The following DCHS1 variants were observed in gnomAD, a reference collection of about 807,000 sequenced individuals.
DCHS1 encodes the protein dachsous cadherin-related 1.
In DCHS1, 78 loss-of-function variants were observed where a neutral mutation model predicts 213.9. The ratio of observed to expected loss-of-function variants is 0.36; its 90% CI spans 0.30 to 0.44. DCHS1 has a LOEUF of 0.44. DCHS1 is among the 20% of genes least tolerant of loss of function. The pLI, the probability that DCHS1 is intolerant of heterozygous loss-of-function variation, is 1.00. For synonymous variants in DCHS1, 1,828 were observed against 1,873.7 expected, an observed-to-expected ratio of 0.98 and a Z score of 0.63; for missense variants, 3,946 against 4,395.9, an observed-to-expected ratio of 0.90 and a Z score of 2.89.
At chr11:6,644,626 A>G (rs527796526) in intron 1 of DCHS1, among the ~76,000 whole-genome samples, 1 of 152,358 alleles carries the variant, frequency 6.6e-6, no homozygotes, top group East Asian at 1.9e-4. Context: ...GAGGGCAGTG[A>G]CAGGTCTTGG....
Position 6,631,617 on chromosome 11 carries a change from T to C in DCHS1, c.3674A>G (p.Gln1225Arg). The C allele has an allele frequency of 6.4e-7, 1 of 1,571,866 alleles. No individual in the cohort carries two copies. The highest frequency in any genetic ancestry group is 8.6e-7 in the Non-Finnish European group (1 of 1,159,644). The change falls in exon 7 of 21, where the codon CAG becomes CGG. Residue 1225 changes from glutamine to arginine, a missense_variant and splice_region_variant. By Grantham distance (43) the Gln-to-Arg change is conservative (BLOSUM62 1). Around this residue, in one of 3 missense-constraint regions of DCHS1, gnomAD observed 3,384 missense variants for 3,780.1 expected, o/e 0.90. Coordinates refer to ENST00000299441, the MANE Select transcript of DCHS1 (RefSeq NM_003737.4). ...ACAAAGTCCTGCCACTTCACATACC[T>C]GTATAGGGAGGCCCCCACCAGCAGC... ...SGAAGGGLPI[Q>R]VPDRVPPGTL...
rs369283389 is a variant in DCHS1 at position 6,626,698 on chromosome 11, C to G, written c.6251-33G>C. On this transcript the variant is annotated intron_variant, in intron 14 of 20. Coordinates refer to ENST00000299441, the MANE Select transcript of DCHS1 (RefSeq NM_003737.4). This position sits in a 1 kb window ranked among gnomAD's most constrained non-coding sequence, Gnocchi z 5.2. ...AAGAACGGTATTGTTGGACTGTGAG[C>G]GCGAGACTGGGAGAGTTTGGGGGAC... is the stretch of plus-strand genomic sequence containing the variant. 6.2e-7 allele frequency: 1 copy of G among 1,612,430 alleles called. No homozygotes were observed. Among genetic ancestry groups the G allele is most frequent in the Non-Finnish European group, 8.5e-7 (1 of 1,179,134 alleles).
intron 1 of DCHS1, among the ~76,000 whole-genome samples, chr11:6,642,474 C>T (rs1399630112): frequency 6.6e-6 from 1 of 152,136 alleles, no homozygotes; most frequent in Admixed American, 6.5e-5. Context: ...TAGGAAGTGA[C>T]ATTAAAGTTG....
chr11:6,624,891 T>G, intron 19 of DCHS1, 23 bp from the exon 20 acceptor site: 1 of 1,612,868 alleles, frequency 6.2e-7, no homozygotes, highest in Non-Finnish European at 8.5e-7. Flanking sequence ...GAAAAGTGCT[T>G]ATTGCCAGGC....
Position 6,639,845 on chromosome 11 carries a change from C to A in DCHS1, c.1769G>T (p.Gly590Val). 6.2e-7 allele frequency: 1 copy of A among 1,605,880 alleles called. No individual in the cohort carries two copies. The highest frequency in any genetic ancestry group is 1.1e-5 in the South Asian group (1 of 90,144). Residue 590 changes from glycine (G) to valine (V), a missense_variant, in exon 2 of 21, where the codon GGC becomes GTC. By Grantham distance (109) the Gly-to-Val change is moderately radical (BLOSUM62 -3). Transcript: ENST00000299441. ...RTFYNASLPE[G>V]TQPGTCFLQV... Reference sequence around the variant, plus strand: ...CAGGAAGCAAGTTCCAGGCTGGGTGCCCTCAGGCAGTGAGGCATTGTAGAA... The same window carrying A: ...CAGGAAGCAAGTTCCAGGCTGGGTGACCTCAGGCAGTGAGGCATTGTAGAA...
chr11:6,626,944 C>CG lies in DCHS1; in HGVS notation c.6094dup (p.Arg2032ProfsTer11). The CG allele has an allele frequency of 6.2e-7, 1 of 1,613,644 alleles. No homozygotes were observed. The highest frequency in any genetic ancestry group is 8.5e-7 in the Non-Finnish European group (1 of 1,179,866). On this transcript the variant is annotated frameshift_variant, in exon 14 of 21. Transcript: ENST00000299441. LOFTEE classifies it high-confidence loss of function. This position sits in a 1 kb window ranked among gnomAD's most constrained non-coding sequence, Gnocchi z 5.2. ...GGCCACAATGAAGAGGACACGATCT[C>CG]GGGGGCCTAGAGCTACAGGAGAGCG... is the stretch of plus-strand genomic sequence containing the variant.
chr11:6,646,397 G>A (rs897690668), intron 1 of DCHS1, among the ~76,000 whole-genome samples: 1 of 152,032 alleles, frequency 6.6e-6, no homozygotes, highest in African/African-American at 2.4e-5. Flanking sequence ...TCCCGAGACC[G>A]TCTCATGCTC....
At position 6,623,963 on chromosome 11, in the gene DCHS1, T is replaced by C. The variant is rs1261187547; in HGVS notation, c.7713A>G (p.Thr2571=). 6.2e-7 allele frequency: 1 copy of C among 1,609,226 alleles called. No homozygotes were observed. ...GCTGCCCACGGTCAGCTGCAGCCACTGTTAGATTGTACTGTGTCAGGCTTT... is the reference window on the plus strand; with the variant it reads ...GCTGCCCACGGTCAGCTGCAGCCACCGTTAGATTGTACTGTGTCAGGCTTT... ...DFESLTQYNL[T]VAAADRGQPP... is the part of the protein sequence containing the mutation. Residue 2571 remains threonine (T), a synonymous_variant, in exon 21 of 21, where the codon ACA becomes ACG. Coordinates refer to ENST00000299441, the MANE Select transcript of DCHS1 (RefSeq NM_003737.4).
In DCHS1 at chr11:6,630,656, C is replaced by A. The variant is rs751020480; in HGVS notation, c.4138G>T (p.Ala1380Ser). The change falls in exon 10 of 21, where the codon GCG becomes TCG. Residue 1380 changes from alanine to serine, a missense_variant. Physicochemically the swap from Ala to Ser is moderately conservative, Grantham distance 99 (BLOSUM62 1). This residue lies in a region of DCHS1 where 3,384 missense variants were observed against 3,780.1 expected (regional missense o/e 0.90). Coordinates refer to ENST00000299441, the MANE Select transcript of DCHS1 (RefSeq NM_003737.4). Reference sequence around the variant, plus strand: ...AAGCGCCCTGAGGCCGCATCCAGCGCGAAGGTGCCCTCGGGATCGGCACCG... The same window carrying A: ...AAGCGCCCTGAGGCCGCATCCAGCGAGAAGGTGCCCTCGGGATCGGCACCG... ...VGGADPEGTF[A>S]LDAASGRLYL... 17 of 1,536,720 alleles carry A rather than the reference C, an allele frequency of 1.1e-5. No homozygotes were observed. The highest frequency in any genetic ancestry group is 1.5e-5 in the Non-Finnish European group (17 of 1,144,626).
chr11:6,631,675 C>G lies in DCHS1; in HGVS notation c.3616G>C (p.Asp1206His). Reference protein sequence around the residue: ...TVHVAVLDLNDNSPTFLQASG... With the variant: ...TVHVAVLDLNHNSPTFLQASG... ...GCCTGCAGGAACGTGGGGCTGTTGTCGTTGAGGTCAAGCACTGCAACATGC... is the reference window on the plus strand; with the variant it reads ...GCCTGCAGGAACGTGGGGCTGTTGTGGTTGAGGTCAAGCACTGCAACATGC... Residue 1206 changes from aspartate (D) to histidine (H), a missense_variant, in exon 7 of 21, where the codon GAC (aspartate) becomes CAC (histidine). Physicochemically the swap from Asp to His is moderately conservative, Grantham distance 81. Coordinates refer to ENST00000299441, the MANE Select transcript of DCHS1 (RefSeq NM_003737.4). The G allele has an allele frequency of 6.2e-7, 1 of 1,608,052 alleles. No individual in the cohort carries two copies. Among genetic ancestry groups the G allele is most frequent in the Non-Finnish European group, 8.5e-7 (1 of 1,177,010 alleles).
At chr11:6,636,931 G>A (rs554481678) in intron 2 of DCHS1, among the ~76,000 whole-genome samples, 4 of 152,220 alleles carry the variant, frequency 2.6e-5, no homozygotes, top group African/African-American at 4.8e-5. Flanking sequence ...CCCTAAATCC[G>A]ACCAGCCCAA....
At position 6,626,700 on chromosome 11, in the gene DCHS1, C is replaced by T. The variant is rs34782445; in HGVS notation, c.6251-35G>A. The T allele has an allele frequency of 0.36, 585,723 of 1,612,430 alleles. 107,857 individuals carry two copies. The highest frequency in any genetic ancestry group is 0.46 in the East Asian group (20,509 of 44,854). On this transcript the variant is annotated intron_variant, in intron 14 of 20. Coordinates refer to ENST00000299441, the MANE Select transcript of DCHS1 (RefSeq NM_003737.4). This position sits in a 1 kb window ranked among gnomAD's most constrained non-coding sequence, Gnocchi z 5.2. ...GAACGGTATTGTTGGACTGTGAGCG[C>T]GAGACTGGGAGAGTTTGGGGGACAT... is the stretch of plus-strand genomic sequence containing the variant.
intron 5 of DCHS1, 26 bp from the exon 6 acceptor site, chr11:6,633,082 GAA>G: frequency 6.4e-7 from 1 of 1,571,660 alleles, no homozygotes; most frequent in Non-Finnish European, 8.7e-7. Flanking sequence ...AAGGGATCAG[GAA>G]AGAGATGGAG....
chr11:6,645,017 C>T (rs1418099747), intron 1 of DCHS1, among the ~76,000 whole-genome samples: 1 of 152,204 alleles, frequency 6.6e-6, no homozygotes, highest in African/African-American at 2.4e-5. Context: ...GGTTTGAGCC[C>T]CAGGCTGCGC....
chr11:6,655,424 C>T (rs1856300746), intron 1 of DCHS1, 139 bp downstream of exon 1: 1 of 478,814 alleles, frequency 2.1e-6, no homozygotes, highest in Non-Finnish European at 2.7e-6. Context: ...GCCCGGGTCC[C>T]GCAGGCCCAG....
chr11:6,625,377 T>C lies in DCHS1; in HGVS notation c.6967A>G (p.Ser2323Gly), dbSNP rs771596330. The C allele has an allele frequency of 1.8e-5, 29 of 1,612,660 alleles. No homozygotes were observed. The highest frequency in any genetic ancestry group is 2.5e-5 in the Non-Finnish European group (29 of 1,179,312). The stretch of plus-strand genomic sequence containing the variant: ...ACACGGCCTCCATAGCGGCCAACAC[T>C]GAAGGGATCCTGGGGCCCAGATGGG... ...LSPSGPQDPF[S>G]VGRYGGRVSL... The change falls in exon 19 of 21, where the codon AGT becomes GGT. Residue 2323 changes from serine to glycine, a missense_variant. Ser to Gly is a moderately conservative substitution (Grantham distance 56, BLOSUM62 0). This residue lies in a region of DCHS1 where 3,384 missense variants were observed against 3,780.1 expected (regional missense o/e 0.90). Transcript: ENST00000299441. This position sits in a 1 kb window ranked among gnomAD's most constrained non-coding sequence, Gnocchi z 5.3.
chr11:6,637,948 G>A (rs1405259762), intron 2 of DCHS1, among the ~76,000 whole-genome samples: 1 of 152,048 alleles, frequency 6.6e-6, no homozygotes, highest in Non-Finnish European at 1.5e-5. Flanking sequence ...ACCCCAAATG[G>A]TCATTTTTAC....
intron 1 of DCHS1, among the ~76,000 whole-genome samples, chr11:6,644,646 T>G (rs893022367): frequency 3.9e-5 from 6 of 152,262 alleles, no homozygotes; most frequent in African/African-American, 1.4e-4. Context: ...GTTAGCCTCT[T>G]GATTCTCCAG....
Position 6,624,733 on chromosome 11 carries a change from T to C in DCHS1, c.7282A>G (p.Asn2428Asp). 1.2e-6 allele frequency: 2 copies of C among 1,613,938 alleles called. No homozygotes were observed. Among genetic ancestry groups the C allele is most frequent in the South Asian group, 2.2e-5 (2 of 91,070 alleles). The change falls in exon 20 of 21, where the codon AAT (asparagine) becomes GAT (aspartate). Residue 2428 changes from asparagine (N) to aspartate (D), a missense_variant. This residue lies in a region of DCHS1 where 3,384 missense variants were observed against 3,780.1 expected (regional missense o/e 0.90). Coordinates refer to ENST00000299441, the MANE Select transcript of DCHS1 (RefSeq NM_003737.4). ...GCAGATCCTGGGAAAGACGCACCATTGTTGGGGTCAACACTGAAGCCATCG... is the reference window on the plus strand; with the variant it reads ...GCAGATCCTGGGAAAGACGCACCATCGTTGGGGTCAACACTGAAGCCATCG... ...PADGFSVDPN[N>D]GTLFTIVGTV...
Sources: gnomAD v4.1 joint callset for allele counts (sites outside exome capture counted in the v4.1 genomes callset) on GRCh38, gnomAD v4.1.1 for gene constraint, gnomAD v4.1.1 regional missense constraint, Gnocchi (gnomAD v3.1) non-coding constraint, MANE v1.5 for transcripts, NCBI Gene and HGNC (gene_info 2026-07-23, HGNC 2026-07-21) for gene names.